NMUR2: variants seen among roughly 807,000 people sequenced by gnomAD.
NMUR2 encodes neuromedin-U receptor 2.
In NMUR2, 24 loss-of-function variants were observed where a neutral mutation model predicts 25.1. The observed-to-expected ratio is 0.96, with a 90% CI of 0.69 to 1.34. The LOEUF is 1.34. Among genes scored for constraint, NMUR2 ranks in the 40% most tolerant of loss-of-function variants. The probability of loss-of-function intolerance (pLI) is 0.00; values close to 1 mark genes in which losing one functional copy is unlikely to be tolerated. For synonymous variants in NMUR2, 218 were observed against 208.1 expected (o/e 1.05, Z -0.41); for missense variants, 533 against 512.8 (o/e 1.04, Z -0.38).
chr5:152,403,765 A>G (rs1324381716), intron 1 of NMUR2, among the ~76,000 whole-genome samples: 1 of 93,580 alleles, frequency 1.1e-5, no homozygotes, highest in Non-Finnish European at 2.3e-5. Context: ...AACTATACAT[A>G]TAATATATAT....
chr5:152,393,403 T>C (rs537458325), intron 3 of NMUR2, among the ~76,000 whole-genome samples: 2 of 152,298 alleles, frequency 1.3e-5, no homozygotes, highest in African/African-American at 4.8e-5. Context: ...TGTCCTTATT[T>C]ATGTGGTTCA....
intron 1 of NMUR2, among the ~76,000 whole-genome samples, chr5:152,400,785 G>A (rs1753238105): frequency 6.6e-6 from 1 of 152,024 alleles, no homozygotes; most frequent in Non-Finnish European, 1.5e-5. Flanking sequence ...AGATATATTA[G>A]TCACTTCCTG....
intron 3 of NMUR2, 54 bp downstream of exon 3, chr5:152,395,405 G>A: frequency 6.2e-7 from 1 of 1,604,746 alleles, no homozygotes; most frequent in Non-Finnish European, 8.5e-7. Flanking sequence ...AGATGAAGAA[G>A]AAGGTGCTGT....
rs867657626 is a variant in NMUR2 at position 152,392,241 on chromosome 5, C to T, written c.1198G>A (p.Glu400Lys). Residue 400 changes from glutamate to lysine, a missense_variant, in exon 4 of 4, where the codon GAA becomes AAA. Glu to Lys is a moderately conservative substitution (Grantham distance 56). Transcript: ENST00000255262. ...NSHLPAALSS[E>K]QMSRTNYQSF... ...TGATAGTTTGTTCTTGACATCTGTT[C>T]ACTAGAGAGGGCTGCTGGGAGGTGA... 6.2e-7 allele frequency: 1 copy of T among 1,613,800 alleles called. No homozygotes were observed. Among genetic ancestry groups the T allele is most frequent in the Non-Finnish European group, 8.5e-7 (1 of 1,179,844 alleles).
intron 2 of NMUR2, 88 bp from the exon 3 acceptor site, chr5:152,395,672 G>A: frequency 6.8e-7 from 1 of 1,474,400 alleles, no homozygotes; most frequent in Non-Finnish European, 9.2e-7. Flanking sequence ...CATTTCTTCT[G>A]GCAGTTTTTC....
chr5:152,402,510 C>G (rs1481560662), intron 1 of NMUR2, among the ~76,000 whole-genome samples: 4 of 152,142 alleles, frequency 2.6e-5, no homozygotes, highest in Non-Finnish European at 5.9e-5. Context: ...GGTTTTTAAA[C>G]TTTTGTCTGA....
intron 1 of NMUR2, among the ~76,000 whole-genome samples, chr5:152,399,207 T>TCC (rs1753214819): frequency 6.6e-6 from 1 of 152,192 alleles, no homozygotes; most frequent in Non-Finnish European, 1.5e-5. Flanking sequence ...GAAATTAGTA[T>TCC]AGTACATAGT....
chr5:152,398,699 C>T (rs1281352168), intron 1 of NMUR2, among the ~76,000 whole-genome samples: 2 of 152,140 alleles, frequency 1.3e-5, no homozygotes, highest in African/African-American at 2.4e-5. Context: ...TCCACACTCA[C>T]ATCACCTACT....
chr5:152,402,189 TC>T (rs1415930955), intron 1 of NMUR2, among the ~76,000 whole-genome samples: 1 of 152,006 alleles, frequency 6.6e-6, no homozygotes, highest in Admixed American at 6.6e-5. Context: ...TGGGAGAGCT[TC>T]CCTGAGGAAG....
In NMUR2 at chr5:152,395,683, C is replaced by T. The variant is rs1407190663; in HGVS notation, c.812-99G>A. 3.5e-6 allele frequency: 5 copies of T among 1,414,078 alleles called. No individual in the cohort carries two copies. The African/African-American group carries it at 5.7e-5, about 16-fold the overall frequency. The allele number at this position is 1,414,078 out of a possible 1,614,324, so 87.6% of individuals were successfully genotyped here. ...CAATCATTTCTTCTGGCAGTTTTTC[C>T]CTTCAACTTTGTTAAGCTATAACAG... On this transcript the variant is annotated intron_variant, in intron 2 of 3. Coordinates refer to ENST00000255262, the MANE Select transcript of NMUR2 (RefSeq NM_020167.5).
At chr5:152,396,630 G>T (rs1300676310) in intron 2 of NMUR2, among the ~76,000 whole-genome samples, 1 of 152,062 alleles carries the variant, frequency 6.6e-6, no homozygotes, top group East Asian at 1.9e-4. Flanking sequence ...TGACGGGCGT[G>T]GTGGCTCAGG....
At chr5:152,403,885 G>T (rs999060672) in intron 1 of NMUR2, among the ~76,000 whole-genome samples, 5 of 152,014 alleles carry the variant, frequency 3.3e-5, no homozygotes, top group African/African-American at 1.2e-4. Context: ...AAATAGGCAG[G>T]GATAGTTTGT....
chr5:152,405,220 C>T lies in NMUR2; in HGVS notation c.-107G>A. 12 of 1,341,990 alleles carry T rather than the reference C, an allele frequency of 8.9e-6. No individual in the cohort carries two copies. Among genetic ancestry groups the T allele is most frequent in the South Asian group, 1.5e-5 (1 of 67,920 alleles). The allele number at this position is 1,341,990 out of a possible 1,614,324, so 83.1% of individuals were successfully genotyped here. A position where few individuals can be genotyped will look rare whatever the true frequency, so the allele number is the denominator to read the frequency against. The stretch of plus-strand genomic sequence containing the variant: ...GAAAACAAAAAAGAGAAAGCAGTCA[C>T]GAAAGTCACAGGCTTCGTAAGGAAG... On this transcript the variant is annotated 5_prime_UTR_variant, in exon 1 of 4. It adds an upstream start codon to the 5' untranslated region. Coordinates refer to ENST00000255262, the MANE Select transcript of NMUR2 (RefSeq NM_020167.5).
intron 1 of NMUR2, among the ~76,000 whole-genome samples, 176 bp downstream of exon 1, chr5:152,404,212 A>G (rs1363206162): frequency 6.6e-6 from 1 of 152,202 alleles, no homozygotes; most frequent in Non-Finnish European, 1.5e-5. Flanking sequence ...TGTGGTTACC[A>G]TTCATCTCAT....
intron 3 of NMUR2, 108 bp from the exon 4 acceptor site, chr5:152,392,609 T>C: frequency 2.5e-6 from 2 of 809,876 alleles, no homozygotes; most frequent in South Asian, 1.7e-5. Flanking sequence ...TGATTGCCTC[T>C]TTTATAAGTG....
chr5:152,396,096 G>C (rs936913893), intron 2 of NMUR2, among the ~76,000 whole-genome samples: 2 of 151,988 alleles, frequency 1.3e-5, no homozygotes, highest in Non-Finnish European at 2.9e-5. Flanking sequence ...ATTATAAATT[G>C]CTACAGCACA....
At chr5:152,393,258 G>A (rs1753093815) in intron 3 of NMUR2, among the ~76,000 whole-genome samples, 1 of 152,118 alleles carries the variant, frequency 6.6e-6, no homozygotes, top group Non-Finnish European at 1.5e-5. Flanking sequence ...TCTGTAAAAT[G>A]GGAATGTGAT....
chr5:152,405,072 G>A lies in NMUR2; in HGVS notation c.42C>T (p.Tyr14=). 1 of 1,613,298 alleles carries A rather than the reference G, an allele frequency of 6.2e-7. No individual in the cohort carries two copies. Among genetic ancestry groups the A allele is most frequent in the East Asian group, 2.2e-5 (1 of 44,830 alleles). ...MEKLQNASWI[Y]QQKLEDPFQK... is the part of the protein sequence containing the mutation. ...GGAATGGATCTTCTAGTTTCTGCTG[G>A]TAGATCCAGGAAGCATTCTGAAGTT... is the stretch of plus-strand genomic sequence containing the variant. The change falls in exon 1 of 4, where the codon TAC becomes TAT. Residue 14 remains tyrosine, a synonymous_variant. Transcript: ENST00000255262.
chr5:152,393,890 G>T (rs1183978207), intron 3 of NMUR2, among the ~76,000 whole-genome samples: 1 of 152,104 alleles, frequency 6.6e-6, no homozygotes, highest in Non-Finnish European at 1.5e-5. Context: ...TGGCCATATT[G>T]TGCAGGAATA....
Sources: gnomAD v4.1 joint callset for allele counts (sites outside exome capture counted in the v4.1 genomes callset) on GRCh38, gnomAD v4.1.1 for gene constraint, MANE v1.5 for transcripts, NCBI Gene and HGNC (gene_info 2026-07-23, HGNC 2026-07-21) for gene names.